RANBP2: variants seen among roughly 807,000 people sequenced by gnomAD.
RANBP2 encodes the protein E3 SUMO-protein ligase RanBP2.
Under a neutral mutation model 303.6 loss-of-function variants are expected in RANBP2, and 57 were observed. The ratio of observed to expected loss-of-function variants is 0.19; its 90% CI spans 0.15 to 0.23. The LOEUF (loss-of-function observed/expected upper bound fraction) is 0.23. RANBP2 is among the 10% of genes least tolerant of loss of function. RANBP2 has a pLI of 1.00. For synonymous variants in RANBP2, 1,167 were observed against 1,301.5 expected (o/e 0.90, Z 2.23); for missense variants, 3,138 against 3,780.8 (o/e 0.83, Z 4.46).
At chr2:109,128,949 CG>C in the RANBP2 span, 1 of 408,504 alleles carries the variant, frequency 2.4e-6, no homozygotes, top group Middle Eastern at 4.0e-4. Flanking sequence ...CCCTGAGCCC[CG>C]CAGTGACCGT....
At chr2:109,575,360 A>G in the RANBP2 span, among the ~76,000 whole-genome samples, 2 of 152,254 alleles carry the variant, frequency 1.3e-5, no homozygotes, top group Non-Finnish European at 2.9e-5. Flanking sequence ...TATAAGGCAC[A>G]AAAAGCCTAA....
the RANBP2 span, among the ~76,000 whole-genome samples, chr2:109,106,412 C>T: frequency 0.054 from 8,293 of 152,228 alleles, 491 homozygotes; most frequent in East Asian, 0.31. Context: ...CTGTGCATCA[C>T]GATGCATCTA....
chr2:109,562,205 T>G, the RANBP2 span, among the ~76,000 whole-genome samples: 3 of 150,454 alleles, frequency 2.0e-5, no homozygotes, highest in African/African-American at 7.5e-5. Context: ...ACAGTGAGAC[T>G]CTATCTCAAA....
the RANBP2 span, among the ~76,000 whole-genome samples, chr2:109,480,273 G>A: frequency 6.6e-6 from 1 of 152,204 alleles, no homozygotes; most frequent in African/African-American, 2.4e-5. Flanking sequence ...CAGGTGCCCA[G>A]CACTTGAGCC....
the RANBP2 span, among the ~76,000 whole-genome samples, chr2:109,495,561 C>G: frequency 7.0e-6 from 1 of 142,594 alleles, no homozygotes; most frequent in Admixed American, 7.4e-5. Context: ...CAATCTTGGC[C>G]CACTGCAACC....
chr2:108,796,247 G>A, the RANBP2 span, among the ~76,000 whole-genome samples: 1 of 151,634 alleles, frequency 6.6e-6, no homozygotes, highest in Non-Finnish European at 1.5e-5. Flanking sequence ...GTAGAGATGG[G>A]GTTTCACTGT....
the RANBP2 span, among the ~76,000 whole-genome samples, chr2:109,138,658 C>T: frequency 6.6e-6 from 1 of 152,330 alleles, no homozygotes; most frequent in South Asian, 2.1e-4. Context: ...CACTCTTCCT[C>T]TGGGTCTGCA....
the RANBP2 span, among the ~76,000 whole-genome samples, chr2:109,338,386 CA>C: frequency 6.6e-6 from 1 of 152,018 alleles, no homozygotes; most frequent in Non-Finnish European, 1.5e-5. Context: ...CCAGTTCTAA[CA>C]CAGGCCTCCT....
At chr2:108,842,280 C>A in the RANBP2 span, among the ~76,000 whole-genome samples, 2 of 151,804 alleles carry the variant, frequency 1.3e-5, no homozygotes, top group East Asian at 3.9e-4. Flanking sequence ...CTCAAGTGAT[C>A]CTCCTGCCTT....
chr2:109,585,265 C>T, the RANBP2 span: 14 of 1,612,140 alleles, frequency 8.7e-6, no homozygotes, highest in Admixed American at 2.3e-4. Flanking sequence ...TCATAGTCTT[C>T]AAAATTAGTA....
chr2:109,670,973 C>T, the RANBP2 span, among the ~76,000 whole-genome samples: 3 of 152,210 alleles, frequency 2.0e-5, no homozygotes, highest in Admixed American at 2.0e-4. Context: ...ACCCCAGGCC[C>T]CAGTGCCTGG....
chr2:109,452,890 A>G, the RANBP2 span, among the ~76,000 whole-genome samples: 214 of 94,726 alleles, frequency 2.3e-3, 1 homozygote, highest in African/African-American at 8.1e-3. Context: ...GGCTGGTCCC[A>G]GGAGGCTGGT....
chr2:109,604,938 G>T, the RANBP2 span: 2 of 152,218 alleles, frequency 1.3e-5, no homozygotes, highest in African/African-American at 4.8e-5. Context: ...ACGTCACTGT[G>T]AAGCAGGAAA....
At chr2:109,611,879 G>A in the RANBP2 span, among the ~76,000 whole-genome samples, 1 of 152,156 alleles carries the variant, frequency 6.6e-6, no homozygotes, top group African/African-American at 2.4e-5. Flanking sequence ...ATACTTTCCT[G>A]GTAGGGATGC....
At chr2:109,198,850 A>G in the RANBP2 span, among the ~76,000 whole-genome samples, 2 of 152,226 alleles carry the variant, frequency 1.3e-5, no homozygotes, top group African/African-American at 4.8e-5. Flanking sequence ...AGACCTGTGC[A>G]GGATGTGACT....
chr2:109,323,732 G>A, the RANBP2 span, among the ~76,000 whole-genome samples: 3 of 152,186 alleles, frequency 2.0e-5, no homozygotes, highest in Non-Finnish European at 2.9e-5. Flanking sequence ...CTGTAAGAGT[G>A]GGCATGAGGA....
the RANBP2 span, among the ~76,000 whole-genome samples, chr2:108,843,886 CTTTTTTTTTTTT>C: frequency 1.1e-5 from 1 of 94,016 alleles, no homozygotes; most frequent in African/African-American, 5.3e-5. Context: ...GTGTTTCTTT[CTTTTTTTTTTTT>C]TTTTTTTTTT....
At chr2:109,365,005 C>T in the RANBP2 span, among the ~76,000 whole-genome samples, 5 of 152,070 alleles carry the variant, frequency 3.3e-5, no homozygotes, top group Non-Finnish European at 7.4e-5. Context: ...GCAGAAGGAT[C>T]GTGAGACTCT....
the RANBP2 span, among the ~76,000 whole-genome samples, chr2:109,767,270 T>A: frequency 3.4e-5 from 5 of 149,086 alleles, no homozygotes; most frequent in African/African-American, 4.9e-5. Flanking sequence ...CAGCGTTCTG[T>A]CCCTGGCAAC....
Sources: gnomAD v4.1 joint callset for allele counts (sites outside exome capture counted in the v4.1 genomes callset) on GRCh38, gnomAD v4.1.1 for gene constraint, MANE v1.5 for transcripts, NCBI Gene and HGNC (gene_info 2026-07-23, HGNC 2026-07-21) for gene names.